The following BROX variants were observed in gnomAD, a reference collection of about 807,000 sequenced individuals.
BROX encodes BRO1 domain and CAAX motif containing, also known as BRO1 domain-containing protein BROX.
In BROX, 53 loss-of-function variants were observed where a neutral mutation model predicts 61.0. The observed-to-expected ratio is 0.87, with a 90% CI of 0.70 to 1.09. BROX has a LOEUF of 1.09. Among genes scored for constraint, BROX ranks in the 50% least tolerant of loss-of-function variants. The pLI, the probability that BROX is intolerant of heterozygous loss-of-function variation, is 0.00. For synonymous variants in BROX, 152 were observed against 160.2 expected (o/e 0.95, Z 0.38); for missense variants, 489 against 472.0 (o/e 1.04, Z -0.33).
chr1:222,722,786 C>A (rs754331229), intron 5 of BROX, among the ~76,000 whole-genome samples: 37 of 152,044 alleles, frequency 2.4e-4, no homozygotes, highest in Non-Finnish European at 4.7e-4. Flanking sequence ...CATCAAAGGA[C>A]CGTAAACAAA....
intron 6 of BROX, 113 bp downstream of exon 6, chr1:222,724,277 T>C: frequency 2.4e-6 from 2 of 834,920 alleles, no homozygotes; most frequent in African/African-American, 1.7e-5. Context: ...AAAAAGGTAC[T>C]ATGTGTTCTG....
In BROX at chr1:222,712,821, G is replaced by A. The variant is rs77110799; in HGVS notation, c.-138G>A. On this transcript the variant is annotated 5_prime_UTR_variant, in exon 1 of 13. An upstream open reading frame in the 5' UTR gains an earlier in-frame stop. Transcript: ENST00000340934. Reference sequence around the variant, plus strand: ...GTGACTCCGGCTTGGCGCCGTCCTGGTTTTCCGTCACCCTGGTTCTGTAGT... The same window carrying A: ...GTGACTCCGGCTTGGCGCCGTCCTGATTTTCCGTCACCCTGGTTCTGTAGT... The A allele has an allele frequency of 1.6e-5, 20 of 1,288,396 alleles. No homozygotes were observed. The East Asian group carries it at 1.0e-3, about 65-fold the overall frequency. 79.8% of individuals were successfully genotyped at this position (1,288,396 alleles called of 1,614,324 possible).
chr1:222,713,295 A>G (rs1571952578), intron 1 of BROX: 3 of 985,816 alleles, frequency 3.0e-6, no homozygotes, highest in Non-Finnish European at 3.6e-6. Context: ...GAAAGAGGGG[A>G]ACTCAAGTGT....
chr1:222,712,806 C>T lies in BROX; in HGVS notation c.-153C>T, dbSNP rs1243193491. ...TGGCCGCCGGGTCACGTGACTCCGG[C>T]TTGGCGCCGTCCTGGTTTTCCGTCA... On this transcript the variant is annotated 5_prime_UTR_variant, in exon 1 of 13. Transcript: ENST00000340934. The T allele has an allele frequency of 7.8e-7, 1 of 1,288,912 alleles. No individual in the cohort carries two copies. The highest frequency in any genetic ancestry group is 2.3e-5 in the Admixed American group (1 of 43,522). 79.8% of individuals were successfully genotyped at this position (1,288,912 alleles called of 1,614,324 possible). A position where few individuals can be genotyped will look rare whatever the true frequency, so the allele number is the denominator to read the frequency against.
chr1:222,724,588 T>C (rs1174210510), intron 6 of BROX, among the ~76,000 whole-genome samples: 1 of 152,224 alleles, frequency 6.6e-6, no homozygotes, highest in Non-Finnish European at 1.5e-5. Context: ...ATCAGTGCAC[T>C]CTAATTGTAT....
Position 222,733,473 on chromosome 1 carries a change from A to G in BROX, c.*759A>G, listed in dbSNP as rs1308385418. The G allele has an allele frequency of 3.3e-5, 5 of 152,178 alleles. No homozygotes were observed. The highest frequency in any genetic ancestry group is 7.3e-5 in the Non-Finnish European group (5 of 68,036). 9.4% of individuals were successfully genotyped at this position (152,178 alleles called of 1,614,324 possible). The stretch of plus-strand genomic sequence containing the variant: ...TGACAGGAATCAGTTTTTAACAGAG[A>G]TAGTTTTTCCGTTTCTCCATTGTGT... On this transcript the variant is annotated 3_prime_UTR_variant, in exon 13 of 13. Coordinates refer to ENST00000340934, the MANE Select transcript of BROX (RefSeq NM_144695.4).
At chr1:222,717,775 T>C (rs1412916887) in intron 2 of BROX, 1 of 152,232 alleles carries the variant, frequency 6.6e-6, no homozygotes, top group Non-Finnish European at 1.5e-5. Context: ...TGCTACCTTA[T>C]AGTCTAAATC....
chr1:222,716,265 A>T (rs1656602950), intron 2 of BROX, among the ~76,000 whole-genome samples: 1 of 151,796 alleles, frequency 6.6e-6, no homozygotes. Flanking sequence ...CGCCCTGGTC[A>T]TTTTTGTATT....
intron 5 of BROX, among the ~76,000 whole-genome samples, chr1:222,723,858 C>G (rs191632983): frequency 6.6e-6 from 1 of 152,096 alleles, no homozygotes; most frequent in Non-Finnish European, 1.5e-5. Context: ...AGGGTTTTGC[C>G]CTGCTGGCCA....
chr1:222,724,267 A>T (rs1657330956), intron 6 of BROX, 103 bp downstream of exon 6: 2 of 918,578 alleles, frequency 2.2e-6, no homozygotes, highest in Non-Finnish European at 3.3e-6. Flanking sequence ...CATTATATTA[A>T]AAAAGGTACT....
intron 3 of BROX, 51 bp downstream of exon 3, chr1:222,719,082 T>C: frequency 6.7e-7 from 1 of 1,481,968 alleles, no homozygotes; most frequent in Non-Finnish European, 9.3e-7. Context: ...TCTAAAAGTT[T>C]ACATTTAATT....
chr1:222,730,100 A>C lies in BROX; in HGVS notation c.912A>C (p.Ser304=). 6.2e-7 allele frequency: 1 copy of C among 1,613,434 alleles called. No homozygotes were observed. The highest frequency in any genetic ancestry group is 8.5e-7 in the Non-Finnish European group (1 of 1,179,562). Reference sequence around the variant, plus strand: ...GACCTGGACCAACAGTCAAACCTTCAGGACATCTGTTCTTTAGGAAACTTG... The same window carrying C: ...GACCTGGACCAACAGTCAAACCTTCCGGACATCTGTTCTTTAGGAAACTTG... ...TKGPGPTVKP[S]GHLFFRKLGN... The change falls in exon 11 of 13, where the codon TCA becomes TCC. Residue 304 remains serine, a synonymous_variant. Coordinates refer to ENST00000340934, the MANE Select transcript of BROX (RefSeq NM_144695.4).
intron 7 of BROX, among the ~76,000 whole-genome samples, chr1:222,725,865 C>T (rs1246893987): frequency 1.3e-5 from 2 of 152,272 alleles, no homozygotes; most frequent in South Asian, 2.1e-4. Context: ...AAGGCAAGAC[C>T]GTGCCACTGC....
At chr1:222,712,963 G>A in intron 1 of BROX, 21 bp downstream of exon 1, 1 of 1,181,752 alleles carries the variant, frequency 8.5e-7, no homozygotes, top group Non-Finnish European at 1.1e-6. Flanking sequence ...CAGAGGATGG[G>A]TGTTTCTCAG....
At chr1:222,732,264 G>A (rs1462564802) in intron 12 of BROX, among the ~76,000 whole-genome samples, 3 of 151,972 alleles carry the variant, frequency 2.0e-5, no homozygotes, top group Non-Finnish European at 2.9e-5. Flanking sequence ...TGCACAATGT[G>A]CAGGTTAGTT....
At chr1:222,714,425 C>G (rs1444342141) in intron 1 of BROX, among the ~76,000 whole-genome samples, 3 of 151,472 alleles carry the variant, frequency 2.0e-5, no homozygotes, top group Non-Finnish European at 4.4e-5. Flanking sequence ...GTCTCGATCT[C>G]CTGACCTTGT....
At chr1:222,712,989 C>T (rs1656172705) in intron 1 of BROX, 47 bp downstream of exon 1, 1 of 1,175,550 alleles carries the variant, frequency 8.5e-7, no homozygotes, top group Non-Finnish European at 1.1e-6. Flanking sequence ...TCCCCCGCTA[C>T]TTCCCCGGAG....
At chr1:222,728,259 C>T (rs1477104681) in intron 8 of BROX, among the ~76,000 whole-genome samples, 2 of 151,974 alleles carry the variant, frequency 1.3e-5, no homozygotes, top group Non-Finnish European at 2.9e-5. Context: ...AATACAGCAA[C>T]GTAGCAAATA....
At chr1:222,719,772 A>G (rs1040738871) in intron 4 of BROX, among the ~76,000 whole-genome samples, 5 of 151,580 alleles carry the variant, frequency 3.3e-5, no homozygotes, top group East Asian at 3.9e-4. Context: ...TTTCTCTCCA[A>G]CTCCATACTC....
Sources: allele counts gnomAD v4.1 joint callset (sites outside exome capture counted in the v4.1 genomes callset), GRCh38; gene constraint gnomAD v4.1.1; transcripts MANE v1.5; gene names NCBI Gene and HGNC (gene_info 2026-07-23, HGNC 2026-07-21).